Variants in UBL3 observed in about 807,000 individuals in gnomAD.
UBL3 encodes the protein ubiquitin-like protein 3.
In UBL3, 6 loss-of-function variants were observed where a neutral mutation model predicts 18.4. That is an observed-to-expected ratio of 0.33 (90% confidence interval 0.18 to 0.64). The LOEUF (loss-of-function observed/expected upper bound fraction) is 0.64. UBL3 is among the 30% of genes least tolerant of loss of function. The pLI, the probability that UBL3 is intolerant of heterozygous loss-of-function variation, is 0.76. For missense variants in UBL3, 109 were observed against 142.9 expected, an observed-to-expected ratio of 0.76 and a Z score of 1.21; for synonymous variants, 49 against 46.6, an observed-to-expected ratio of 1.05 and a Z score of -0.21.
At chr13:29,804,721 A>C (rs1310182163) in intron 1 of UBL3, among the ~76,000 whole-genome samples, 2 of 152,222 alleles carry the variant, frequency 1.3e-5, no homozygotes, top group Non-Finnish European at 2.9e-5. Context: ...AAACTCCTGG[A>C]AACAGAACCT....
intron 1 of UBL3, among the ~76,000 whole-genome samples, chr13:29,817,856 G>A (rs1400576742): frequency 6.6e-6 from 1 of 152,180 alleles, no homozygotes; most frequent in Non-Finnish European, 1.5e-5. Context: ...TGCTTTCTCT[G>A]TAAGCCAGGA....
At chr13:29,806,545 AG>A (rs1360910772) in intron 1 of UBL3, among the ~76,000 whole-genome samples, 1 of 152,148 alleles carries the variant, frequency 6.6e-6, no homozygotes, top group East Asian at 1.9e-4. Context: ...TCATAAGTAA[AG>A]GGTAGGGCTG....
intron 1 of UBL3, among the ~76,000 whole-genome samples, chr13:29,799,695 G>A (rs1390473037): frequency 6.6e-6 from 1 of 152,180 alleles, no homozygotes; most frequent in Non-Finnish European, 1.5e-5. Context: ...TATTTTGGAA[G>A]TATTTTGAAA....
chr13:29,830,037 T>C (rs527634021), intron 1 of UBL3, among the ~76,000 whole-genome samples: 2 of 152,316 alleles, frequency 1.3e-5, no homozygotes, highest in East Asian at 3.9e-4. Context: ...ACCTCCCTTT[T>C]GCACTTGTGA....
At chr13:29,768,717 T>C (rs933087249) in intron 3 of UBL3, among the ~76,000 whole-genome samples, 36 of 152,062 alleles carry the variant, frequency 2.4e-4, no homozygotes, top group Admixed American at 2.0e-4. Context: ...TTTTAACCTC[T>C]GATGTTCAAA....
chr13:29,835,075 A>AATATATAAATATAAATAT lies in UBL3; in HGVS notation c.27+14419_27+14436dup, dbSNP rs1566000859. Among the ~76,000 whole-genome samples the AATATATAAATATAAATAT allele has an allele frequency of 2.7e-3, 283 of 106,610 alleles. 31 individuals carry two copies. Among genetic ancestry groups the AATATATAAATATAAATAT allele is most frequent in the Middle Eastern group, 4.2e-3 (1 of 238 alleles). 69.9% of individuals were successfully genotyped at this position (106,610 alleles called of 152,430 possible). On this transcript the variant is annotated intron_variant, in intron 1 of 4. Coordinates refer to ENST00000380680, the MANE Select transcript of UBL3 (RefSeq NM_007106.4). ...AAGTACTGGTCATGGCAGCAAATAAAATATATAAATATAAATATATATATA... is the reference window on the plus strand; with the variant it reads ...AAGTACTGGTCATGGCAGCAAATAAAATATATAAATATAAATATATATATAAATATAAATATATATATA...
intron 1 of UBL3, among the ~76,000 whole-genome samples, chr13:29,837,945 T>TAATAATAA (rs59372710): frequency 6.7e-6 from 1 of 149,682 alleles, no homozygotes. Context: ...ATAATAATAA[T>TAATAATAA]TTTAGCTAAT....
chr13:29,794,476 AT>A (rs1198517225), intron 1 of UBL3, among the ~76,000 whole-genome samples: 1 of 152,200 alleles, frequency 6.6e-6, no homozygotes, highest in African/African-American at 2.4e-5. Flanking sequence ...TTAGAGAATA[AT>A]AATGATCCTA....
At chr13:29,837,591 G>A (rs35933528) in intron 1 of UBL3, among the ~76,000 whole-genome samples, 6,951 of 152,030 alleles carry the variant, frequency 0.046, 227 homozygotes, top group Middle Eastern at 0.078. Context: ...GCTAATTCCC[G>A]GGCCAGGTGC....
chr13:29,815,319 CAT>C (rs1469711913), intron 1 of UBL3, among the ~76,000 whole-genome samples: 1 of 152,002 alleles, frequency 6.6e-6, no homozygotes, highest in Non-Finnish European at 1.5e-5. Context: ...AGAAATATCT[CAT>C]ATAATAAATC....
chr13:29,800,881 G>A (rs1177006397), intron 1 of UBL3, among the ~76,000 whole-genome samples: 1 of 152,140 alleles, frequency 6.6e-6, no homozygotes, highest in Non-Finnish European at 1.5e-5. Flanking sequence ...GGCTTAGAAG[G>A]CAGCTTAGTG....
At position 29,828,836 on chromosome 13, in the gene UBL3, C is replaced by T. The variant is rs1313492968; in HGVS notation, c.27+20676G>A. On this transcript the variant is annotated intron_variant, in intron 1 of 4. Transcript: ENST00000380680. The stretch of plus-strand genomic sequence containing the variant: ...TACCTTTGGTCTTTGACGATGGTGA[C>T]GTACAGATGGGGTTTTGGTGTGGAT... Among the ~76,000 whole-genome samples, 3 of 152,090 alleles carry T rather than the reference C, an allele frequency of 2.0e-5. No individual in the cohort carries two copies. The South Asian group carries it at 6.2e-4, about 32-fold the overall frequency.
intron 3 of UBL3, 140 bp downstream of exon 3, chr13:29,771,972 T>A: frequency 3.0e-6 from 2 of 673,356 alleles, no homozygotes; most frequent in Non-Finnish European, 5.0e-6. Flanking sequence ...TGTGAAGGAG[T>A]AGGCATACCA....
rs913048637 is a variant in UBL3, at chr13:29,849,893, G to A, written c.-355C>T. On this transcript the variant is annotated 5_prime_UTR_variant, in exon 1 of 5. Coordinates refer to ENST00000380680, the MANE Select transcript of UBL3 (RefSeq NM_007106.4). Reference sequence around the variant, plus strand: ...GGAGAGGGGTGGGAGGGGGTTAAATGCGCCTTCCTCCTTTCCCAGCCCCGG... The same window carrying A: ...GGAGAGGGGTGGGAGGGGGTTAAATACGCCTTCCTCCTTTCCCAGCCCCGG... 2 of 428,090 alleles carry A rather than the reference G, an allele frequency of 4.7e-6. No homozygotes were observed. Among genetic ancestry groups the A allele is most frequent in the African/African-American group, 4.0e-5 (2 of 49,776 alleles). 26.5% of individuals were successfully genotyped at this position (428,090 alleles called of 1,614,324 possible).
At chr13:29,782,620 A>G (rs1291046246) in intron 1 of UBL3, among the ~76,000 whole-genome samples, 1 of 152,194 alleles carries the variant, frequency 6.6e-6, no homozygotes, top group Non-Finnish European at 1.5e-5. Context: ...CTAGTTCCAG[A>G]AAACATTTGA....
Position 29,765,248 on chromosome 13 carries a change from A to G in UBL3, c.*2007T>C, listed in dbSNP as rs1187420654. ...ATAGGTATTAAAAATAATTACCAGTAGTTTGTTTTACAAAATAGAGCCATA... is the reference window on the plus strand; with the variant it reads ...ATAGGTATTAAAAATAATTACCAGTGGTTTGTTTTACAAAATAGAGCCATA... On this transcript the variant is annotated 3_prime_UTR_variant, in exon 5 of 5. Coordinates refer to ENST00000380680, the MANE Select transcript of UBL3 (RefSeq NM_007106.4). 2 of 152,200 alleles carry G rather than the reference A, an allele frequency of 1.3e-5. No individual in the cohort carries two copies. Among genetic ancestry groups the G allele is most frequent in the Non-Finnish European group, 2.9e-5 (2 of 68,008 alleles). The allele number at this position is 152,200 out of a possible 1,614,324, so 9.4% of individuals were successfully genotyped here. A position where few individuals can be genotyped will look rare whatever the true frequency, so the allele number is the denominator to read the frequency against.
chr13:29,820,229 C>T (rs3118079), intron 1 of UBL3, among the ~76,000 whole-genome samples: 14,703 of 142,320 alleles, frequency 0.1, 919 homozygotes, highest in African/African-American at 0.17. Context: ...GGCTGGAGAG[C>T]TCAGTGGCTC....
intron 1 of UBL3, among the ~76,000 whole-genome samples, chr13:29,778,789 C>T (rs992320936): frequency 2.0e-5 from 3 of 152,122 alleles, no homozygotes; most frequent in Non-Finnish European, 4.4e-5. Flanking sequence ...TATAAAATAT[C>T]TCCCCTATAA....
intron 1 of UBL3, among the ~76,000 whole-genome samples, chr13:29,845,733 A>G (rs1879212908): frequency 6.6e-6 from 1 of 152,136 alleles, no homozygotes; most frequent in South Asian, 2.1e-4. Flanking sequence ...AATTGTCATT[A>G]TCTGATTCAA....
Sources: gnomAD v4.1 joint callset for allele counts (sites outside exome capture counted in the v4.1 genomes callset) on GRCh38, gnomAD v4.1.1 for gene constraint, MANE v1.5 for transcripts, NCBI Gene and HGNC (gene_info 2026-07-23, HGNC 2026-07-21) for gene names.